The following KY variants were observed in gnomAD, a reference collection of about 807,000 sequenced individuals.
KY encodes kyphoscoliosis peptidase.
Under a neutral mutation model 76.1 loss-of-function variants are expected in KY, and 43 were observed. The ratio of observed to expected loss-of-function variants is 0.57; its 90% CI spans 0.44 to 0.73. The LOEUF (loss-of-function observed/expected upper bound fraction) is 0.73, where lower values mean the gene tolerates loss of function less well. Among genes scored for constraint, KY ranks in the 30% least tolerant of loss-of-function variants. The probability of loss-of-function intolerance (pLI) is 0.00; values close to 1 mark genes in which losing one functional copy is unlikely to be tolerated. For missense variants in KY, 722 were observed against 828.9 expected (o/e 0.87, Z 1.58); for synonymous variants, 277 against 326.2 (o/e 0.85, Z 1.63).
chr3:134,615,618 G>A (rs1333809328), intron 8 of KY, among the ~76,000 whole-genome samples: 1 of 150,748 alleles, frequency 6.6e-6, no homozygotes, highest in East Asian at 1.9e-4. Context: ...GTTTGCACCA[G>A]TGACATAACT....
intron 8 of KY, among the ~76,000 whole-genome samples, chr3:134,618,708 G>T (rs1233927120): frequency 1.3e-5 from 2 of 152,202 alleles, no homozygotes; most frequent in African/African-American, 4.8e-5. Flanking sequence ...TGATTCAGCT[G>T]TCCAACTGAC....
intron 1 of KY, among the ~76,000 whole-genome samples, chr3:134,649,816 G>T (rs1471687891): frequency 6.6e-6 from 1 of 152,216 alleles, no homozygotes; most frequent in Non-Finnish European, 1.5e-5. Flanking sequence ...GAAGGTGGAT[G>T]TTCAATGAGC....
Position 134,603,445 on chromosome 3 carries a change from G to T in KY, c.*134C>A. Reference sequence around the variant, plus strand: ...GATCACAGCTCCTGTGGCAGAGGTGGGACACTGAGGCAGAGGCCTAGAAGG... The same window carrying T: ...GATCACAGCTCCTGTGGCAGAGGTGTGACACTGAGGCAGAGGCCTAGAAGG... On this transcript the variant is annotated 3_prime_UTR_variant, in exon 11 of 11. Coordinates refer to ENST00000423778, the MANE Select transcript of KY (RefSeq NM_178554.6). 1.3e-6 allele frequency: 1 copy of T among 755,722 alleles called. No homozygotes were observed. Among genetic ancestry groups the T allele is most frequent in the Non-Finnish European group, 2.1e-6 (1 of 470,750 alleles). The allele number at this position is 755,722 out of a possible 1,614,324, so 46.8% of individuals were successfully genotyped here. A position where few individuals can be genotyped will look rare whatever the true frequency, so the allele number is the denominator to read the frequency against.
intron 8 of KY, among the ~76,000 whole-genome samples, chr3:134,616,418 A>T (rs926414412): frequency 6.6e-6 from 1 of 152,248 alleles, no homozygotes; most frequent in African/African-American, 2.4e-5. Flanking sequence ...AGTGCGGATT[A>T]TATGTCCTCA....
intron 8 of KY, among the ~76,000 whole-genome samples, chr3:134,611,038 T>A (rs953705678): frequency 2.6e-5 from 4 of 152,238 alleles, no homozygotes; most frequent in Non-Finnish European, 5.9e-5. Context: ...TGCTCAGGTC[T>A]GACTGGTGGG....
intron 10 of KY, chr3:134,608,445 C>CT (rs1224478312): frequency 2.6e-6 from 4 of 1,518,492 alleles, no homozygotes; most frequent in Non-Finnish European, 3.5e-6. Context: ...CTGATGTGGC[C>CT]TATGGCCCTT....
chr3:134,604,171 T>C lies in KY; in HGVS notation c.1394A>G (p.Lys465Arg). Reference protein sequence around the residue: ...SWFSEQMGIMKPSHPDPIIHT... With the variant: ...SWFSEQMGIMRPSHPDPIIHT... ...GATGATAGGGTCAGGGTGGGAGGGCTTCATGATGCCCATCTGCTCCGAGAA... is the reference window on the plus strand; with the variant it reads ...GATGATAGGGTCAGGGTGGGAGGGCCTCATGATGCCCATCTGCTCCGAGAA... The change falls in exon 11 of 11, where the codon AAG becomes AGG. Residue 465 changes from lysine (K) to arginine (R), a missense_variant. Physicochemically the swap from Lys to Arg is conservative, Grantham distance 26. This residue lies in a region of KY where 552 missense variants were observed against 680.9 expected (regional missense o/e 0.81). Transcript: ENST00000423778. The C allele has an allele frequency of 6.2e-7, 1 of 1,609,862 alleles. No individual in the cohort carries two copies. The highest frequency in any genetic ancestry group is 1.7e-5 in the Admixed American group (1 of 59,406).
chr3:134,610,400 G>C lies in KY; in HGVS notation c.711-17C>G. 1 of 1,600,392 alleles carries C rather than the reference G, an allele frequency of 6.2e-7. No homozygotes were observed. Among genetic ancestry groups the C allele is most frequent in the Non-Finnish European group, 8.5e-7 (1 of 1,172,840 alleles). Reference sequence around the variant, plus strand: ...CCGGCGAGCCTGGGGGCAGGACAGGGGGTCTGAGAGGGGGATCCCGCTGTG... The same window carrying C: ...CCGGCGAGCCTGGGGGCAGGACAGGCGGTCTGAGAGGGGGATCCCGCTGTG... On this transcript the variant is annotated splice_polypyrimidine_tract_variant and intron_variant, in intron 8 of 10. Transcript: ENST00000423778.
intron 3 of KY, among the ~76,000 whole-genome samples, chr3:134,632,151 C>A (rs560330677): frequency 6.6e-6 from 1 of 152,108 alleles, no homozygotes; most frequent in East Asian, 1.9e-4. Context: ...GAGGAATAGA[C>A]AAATCTACAA....
At chr3:134,644,648 C>G (rs1966216658) in intron 2 of KY, among the ~76,000 whole-genome samples, 1 of 152,232 alleles carries the variant, frequency 6.6e-6, no homozygotes, top group South Asian at 2.1e-4. Context: ...AAGTATGCCT[C>G]TGGGGCATTG....
In KY at chr3:134,603,879, C is replaced by T; in HGVS notation, c.1686G>A (p.Lys562=). 1.2e-6 allele frequency: 2 copies of T among 1,614,034 alleles called. No individual in the cohort carries two copies. The highest frequency in any genetic ancestry group is 1.1e-5 in the South Asian group (1 of 91,082). ...TCTCAGGGAACATGGGCCAGTTCAC[C>T]TTGGTGTTGGCACAGCATACAAGGT... ...FNYLVCCANT[K]VNWPMFPESF... The change falls in exon 11 of 11, where the codon AAG becomes AAA. Residue 562 remains lysine (K), a synonymous_variant. Transcript: ENST00000423778.
chr3:134,623,605 C>T (rs1962994904), intron 6 of KY, among the ~76,000 whole-genome samples: 1 of 151,532 alleles, frequency 6.6e-6, no homozygotes, highest in Non-Finnish European at 1.5e-5. Flanking sequence ...GTCTAGCCTC[C>T]CCGTCTCTGC....
chr3:134,637,427 A>C (rs1476794695), intron 3 of KY, among the ~76,000 whole-genome samples: 1 of 152,188 alleles, frequency 6.6e-6, no homozygotes, highest in African/African-American at 2.4e-5. Flanking sequence ...TGAATTGAGA[A>C]ACATGTTCAC....
chr3:134,620,996 C>A, intron 6 of KY, 139 bp from the exon 7 acceptor site: 1 of 630,264 alleles, frequency 1.6e-6, no homozygotes, highest in East Asian at 2.8e-5. Context: ...CAAAGGCTGG[C>A]TGAGGACAAA....
chr3:134,606,815 T>TCCTCCTCCTCCCCTCTC (rs1560099160), intron 10 of KY, among the ~76,000 whole-genome samples: 2 of 150,786 alleles, frequency 1.3e-5, no homozygotes, highest in Non-Finnish European at 2.9e-5. Flanking sequence ...AGTCCCCTCT[T>TCCTCCTCCTCCCCTCTC]CCTCCTCCTC....
At chr3:134,619,544 C>T (rs1962211072) in intron 7 of KY, among the ~76,000 whole-genome samples, 1 of 152,220 alleles carries the variant, frequency 6.6e-6, no homozygotes, top group Admixed American at 6.5e-5. Context: ...AGGCATGGGG[C>T]TCTCTCTGCT....
At chr3:134,640,166 A>G (rs373682514) in intron 3 of KY, among the ~76,000 whole-genome samples, 1 of 142,938 alleles carries the variant, frequency 7.0e-6, no homozygotes, top group African/African-American at 2.5e-5. Flanking sequence ...ATGTTGAACC[A>G]TTCCGAGCAA....
Position 134,650,927 on chromosome 3 carries a change from T to C in KY, c.34A>G (p.Ile12Val), listed in dbSNP as rs925202598. 1 of 1,613,282 alleles carries C rather than the reference T, an allele frequency of 6.2e-7. No individual in the cohort carries two copies. Among genetic ancestry groups the C allele is most frequent in the Non-Finnish European group, 8.5e-7 (1 of 1,179,482 alleles). ...ELKKDINAVS[I>V]DMLLIVHSEK... Reference sequence around the variant, plus strand: ...GAGTGCACGATCAGCAGCATGTCGATAGATACAGCGTTGATGTCCTTCTTC... The same window carrying C: ...GAGTGCACGATCAGCAGCATGTCGACAGATACAGCGTTGATGTCCTTCTTC... The change falls in exon 1 of 11, where the codon ATC becomes GTC. Residue 12 changes from isoleucine (I) to valine (V), a missense_variant. Ile to Val is a conservative substitution (Grantham distance 29). This residue lies in a region of KY where 170 missense variants were observed against 148.1 expected (regional missense o/e 1.15). Transcript: ENST00000423778.
At chr3:134,611,252 C>T (rs533683204) in intron 8 of KY, among the ~76,000 whole-genome samples, 1 of 152,276 alleles carries the variant, frequency 6.6e-6, no homozygotes, top group East Asian at 1.9e-4. Context: ...TTTCTGGGAA[C>T]CTGGATGGGA....
Sources: gnomAD v4.1 joint callset for allele counts (sites outside exome capture counted in the v4.1 genomes callset) on GRCh38, gnomAD v4.1.1 for gene constraint, gnomAD v4.1.1 regional missense constraint, MANE v1.5 for transcripts, NCBI Gene and HGNC (gene_info 2026-07-23, HGNC 2026-07-21) for gene names.